AK5: variants seen among roughly 807,000 people sequenced by gnomAD.
AK5 encodes the protein adenylate kinase isoenzyme 5.
A neutral mutation model predicts 69.5 loss-of-function variants in AK5; 27 were observed. That is an observed-to-expected ratio of 0.39 (90% CI 0.29 to 0.54). The LOEUF (loss-of-function observed/expected upper bound fraction) is 0.54. Ranked by LOEUF, AK5 falls within the 20% of genes least tolerant of loss-of-function variation. AK5 has a pLI of 0.71. For synonymous variants in AK5, 260 were observed against 244.4 expected (o/e 1.06, Z -0.60); for missense variants, 531 against 700.4 (o/e 0.76, Z 2.73).
At chr1:77,293,654 A>T in intron 2 of AK5, 139 bp from the exon 3 acceptor site, 1 of 690,562 alleles carries the variant, frequency 1.4e-6, no homozygotes, top group Non-Finnish European at 2.3e-6. Flanking sequence ...AAGCCTGCTG[A>T]CCACTTAGGG....
chr1:77,467,562 A>G (rs534265059), intron 8 of AK5, among the ~76,000 whole-genome samples: 6 of 152,352 alleles, frequency 3.9e-5, no homozygotes, highest in African/African-American at 1.4e-4. Context: ...TGGTAATTTC[A>G]TACCTGATTT....
At chr1:77,367,645 TTATATATGTTATATATATGTTATATATAA>T (rs1557533209) in intron 6 of AK5, among the ~76,000 whole-genome samples, 1 of 65,356 alleles carries the variant, frequency 1.5e-5, no homozygotes, top group South Asian at 3.8e-4. Flanking sequence ...ATATGTTATG[TTATATATGTTATATATATGTTATATATAA>T]TATATATGTT....
At chr1:77,553,873 G>T (rs1375574723) in intron 13 of AK5, among the ~76,000 whole-genome samples, 2 of 152,274 alleles carry the variant, frequency 1.3e-5, no homozygotes, top group East Asian at 3.9e-4. Flanking sequence ...TGTATAGTGG[G>T]CTGTGGGCAG....
At position 77,297,954 on chromosome 1, in the gene AK5, A is replaced by G; in HGVS notation, c.699+7A>G. Reference sequence around the variant, plus strand: ...TCTATCTTTTGAGGACCAAGTAAGAATATCTCCTTATATTTTAAATGAACT... The same window carrying G: ...TCTATCTTTTGAGGACCAAGTAAGAGTATCTCCTTATATTTTAAATGAACT... On this transcript the variant is annotated splice_region_variant and intron_variant, in intron 5 of 13. Transcript: ENST00000354567. 6.4e-7 allele frequency: 1 copy of G among 1,561,468 alleles called. No individual in the cohort carries two copies. The highest frequency in any genetic ancestry group is 1.2e-5 in the South Asian group (1 of 83,850).
intron 10 of AK5, among the ~76,000 whole-genome samples, chr1:77,495,263 C>T (rs1198075398): frequency 6.6e-6 from 1 of 152,154 alleles, no homozygotes. Context: ...CATCAAAGCC[C>T]ATGCTCTAGA....
At chr1:77,540,236 G>A (rs1659193354) in intron 13 of AK5, among the ~76,000 whole-genome samples, 1 of 152,226 alleles carries the variant, frequency 6.6e-6, no homozygotes, top group Non-Finnish European at 1.5e-5. Flanking sequence ...GTACAATAAA[G>A]TTAGAACTTC....
Position 77,297,917 on chromosome 1 carries a change from T to C in AK5, c.669T>C (p.Asp223=), listed in dbSNP as rs773420804. The C allele has an allele frequency of 6.2e-7, 1 of 1,613,270 alleles. No individual in the cohort carries two copies. The highest frequency in any genetic ancestry group is 1.7e-5 in the Admixed American group (1 of 59,968). Residue 223 remains aspartate, a synonymous_variant, in exon 5 of 14, where the codon GAT becomes GAC. Transcript: ENST00000354567. ...TTGTTATTGATGGATTTCCAAGAGA[T>C]GTTGCCCAGGCTCTATCTTTTGAGG... ...EGIVIDGFPR[D]VAQALSFEDQ... is the part of the protein sequence containing the mutation.
intron 2 of AK5, among the ~76,000 whole-genome samples, chr1:77,293,112 ATAAAG>A (rs1273943234): frequency 6.6e-6 from 1 of 152,208 alleles, no homozygotes; most frequent in African/African-American, 2.4e-5. Flanking sequence ...AAGTAAATTG[ATAAAG>A]TAAAATTAGA....
chr1:77,294,561 C>G (rs947844355), intron 3 of AK5, among the ~76,000 whole-genome samples: 1 of 151,842 alleles, frequency 6.6e-6, no homozygotes, highest in African/African-American at 2.4e-5. Context: ...GGCAAATTGG[C>G]ACCTATAATA....
At chr1:77,311,558 C>T (rs956898100) in intron 5 of AK5, among the ~76,000 whole-genome samples, 5 of 152,072 alleles carry the variant, frequency 3.3e-5, no homozygotes, top group Admixed American at 2.6e-4. Context: ...GTTTGTGGCT[C>T]ATGGTAAACA....
At chr1:77,408,662 A>G (rs545043448) in intron 6 of AK5, among the ~76,000 whole-genome samples, 2 of 152,182 alleles carry the variant, frequency 1.3e-5, no homozygotes, top group African/African-American at 4.8e-5. Context: ...TTTAAAACTT[A>G]TAATCTGCAT....
chr1:77,432,342 G>A (rs1441492627), intron 8 of AK5, among the ~76,000 whole-genome samples: 1 of 152,114 alleles, frequency 6.6e-6, no homozygotes, highest in African/African-American at 2.4e-5. Flanking sequence ...AGCAACAAGG[G>A]AGGCTTGGAG....
intron 3 of AK5, among the ~76,000 whole-genome samples, chr1:77,295,354 A>C (rs1658934347): frequency 6.6e-6 from 1 of 152,232 alleles, no homozygotes; most frequent in South Asian, 2.1e-4. Flanking sequence ...AAGGAATGAC[A>C]TTTGTACATT....
At chr1:77,538,350 A>C (rs1659083218) in intron 13 of AK5, among the ~76,000 whole-genome samples, 1 of 150,966 alleles carries the variant, frequency 6.6e-6, no homozygotes, top group Non-Finnish European at 1.5e-5. Context: ...AAAAAAAACA[A>C]CAACAACAAC....
At chr1:77,463,330 C>G (rs1653950176) in intron 8 of AK5, among the ~76,000 whole-genome samples, 1 of 152,166 alleles carries the variant, frequency 6.6e-6, no homozygotes, top group Admixed American at 6.5e-5. Flanking sequence ...TTTTGTACAT[C>G]TCACTTAATT....
At chr1:77,524,691 CTG>C (rs1658176122) in intron 12 of AK5, among the ~76,000 whole-genome samples, 1 of 152,140 alleles carries the variant, frequency 6.6e-6, no homozygotes, top group Admixed American at 6.5e-5. Context: ...ATTTGATAGG[CTG>C]TCTTTTCACT....
At chr1:77,374,184 T>A (rs1040430203) in intron 6 of AK5, among the ~76,000 whole-genome samples, 2 of 152,190 alleles carry the variant, frequency 1.3e-5, no homozygotes, top group African/African-American at 4.8e-5. Flanking sequence ...GCCTCTTAAT[T>A]TGCACCATTC....
At chr1:77,383,957 G>A (rs926992248) in intron 6 of AK5, among the ~76,000 whole-genome samples, 7 of 151,910 alleles carry the variant, frequency 4.6e-5, no homozygotes, top group Non-Finnish European at 8.8e-5. Context: ...GAAAAAGGGT[G>A]GATGAATTTC....
At chr1:77,310,173 G>T (rs1320922113) in intron 5 of AK5, among the ~76,000 whole-genome samples, 2 of 152,050 alleles carry the variant, frequency 1.3e-5, no homozygotes, top group African/African-American at 2.4e-5. Flanking sequence ...TGTATTCAGT[G>T]GTCCAAAGAA....
Sources: gnomAD v4.1 joint callset for allele counts (sites outside exome capture counted in the v4.1 genomes callset) on GRCh38, gnomAD v4.1.1 for gene constraint, MANE v1.5 for transcripts, NCBI Gene and HGNC (gene_info 2026-07-23, HGNC 2026-07-21) for gene names.